Variants in RIMS1 observed in about 807,000 individuals in gnomAD.
RIMS1 encodes the protein regulating synaptic membrane exocytosis 1.
A neutral mutation model predicts 214.1 loss-of-function variants in RIMS1; 83 were observed. That is an observed-to-expected ratio of 0.39 (90% CI 0.32 to 0.47). The LOEUF (loss-of-function observed/expected upper bound fraction) is 0.47, where lower values mean the gene tolerates loss of function less well. Ranked by LOEUF, RIMS1 falls within the 20% of genes least tolerant of loss-of-function variation. RIMS1 has a pLI of 0.99. For missense variants in RIMS1, 2,050 were observed against 2,161.8 expected (o/e 0.95, Z 1.03); for synonymous variants, 793 against 786.8 (o/e 1.01, Z -0.13).
At chr6:71,992,874 T>A (rs962780766) in intron 2 of RIMS1, among the ~76,000 whole-genome samples, 2 of 152,104 alleles carry the variant, frequency 1.3e-5, no homozygotes, top group Non-Finnish European at 1.5e-5. Flanking sequence ...TTTCCTAGAT[T>A]TATCTGGAAC....
chr6:72,367,896 A>G (rs1163301365), intron 29 of RIMS1, among the ~76,000 whole-genome samples: 1 of 152,166 alleles, frequency 6.6e-6, no homozygotes, highest in Non-Finnish European at 1.5e-5. Flanking sequence ...TTTTATTTAT[A>G]TATTTTTTTA....
rs78035219 is a variant in RIMS1, at chr6:72,184,026, C to T, written c.1678+877C>T. Among the ~76,000 whole-genome samples, 75 of 152,244 alleles carry T rather than the reference C, an allele frequency of 4.9e-4. 1 individual carries two copies. In the East Asian group the frequency reaches 0.011, roughly 22 times the overall value. ...GCATACTGTATTACTGTAATAATTT[C>T]CTTAGCCTCTTCCAGTGATTTTAGT... On this transcript the variant is annotated intron_variant, in intron 6 of 33. Coordinates refer to ENST00000521978, the MANE Select transcript of RIMS1 (RefSeq NM_014989.7).
intron 6 of RIMS1, among the ~76,000 whole-genome samples, chr6:72,203,922 AT>A (rs200087558): frequency 6.0e-4 from 91 of 151,792 alleles, no homozygotes; most frequent in African/African-American, 2.1e-3. Flanking sequence ...TCCCATGAGA[AT>A]TTTTTTTTGG....
At chr6:72,037,048 A>G (rs1819820841) in intron 2 of RIMS1, among the ~76,000 whole-genome samples, 1 of 152,148 alleles carries the variant, frequency 6.6e-6, no homozygotes, top group African/African-American at 2.4e-5. Flanking sequence ...TATCAGGCCC[A>G]GAACCCTTTG....
At chr6:72,082,370 C>T (rs747442611) in intron 2 of RIMS1, among the ~76,000 whole-genome samples, 13 of 152,144 alleles carry the variant, frequency 8.5e-5, no homozygotes, top group Non-Finnish European at 1.5e-4. Context: ...TCCCTAAGTG[C>T]TTTGCATATA....
intron 2 of RIMS1, among the ~76,000 whole-genome samples, chr6:72,041,035 T>C (rs1821295163): frequency 6.6e-6 from 1 of 151,986 alleles, no homozygotes; most frequent in Non-Finnish European, 1.5e-5. Flanking sequence ...TATTTGTTTT[T>C]AGAGTATAAT....
chr6:72,399,280 G>A (rs576091165), intron 33 of RIMS1, among the ~76,000 whole-genome samples, 186 bp downstream of exon 33: 1 of 151,670 alleles, frequency 6.6e-6, no homozygotes, highest in East Asian at 1.9e-4. Flanking sequence ...ATATTTGGTG[G>A]GTCTAATAGA....
intron 2 of RIMS1, among the ~76,000 whole-genome samples, chr6:71,977,913 G>A (rs1797559604): frequency 6.6e-6 from 1 of 152,126 alleles, no homozygotes; most frequent in Admixed American, 6.6e-5. Flanking sequence ...TTAAAGAAGG[G>A]GGAATCATGA....
At chr6:71,977,830 G>T (rs576669573) in intron 2 of RIMS1, among the ~76,000 whole-genome samples, 1 of 152,270 alleles carries the variant, frequency 6.6e-6, no homozygotes, top group South Asian at 2.1e-4. Flanking sequence ...AGACAAGCAA[G>T]GGTTCCATCC....
intron 4 of RIMS1, among the ~76,000 whole-genome samples, chr6:72,112,008 T>TA (rs2036185447): frequency 6.6e-6 from 1 of 152,184 alleles, no homozygotes; most frequent in South Asian, 2.1e-4. Context: ...AGCAGATGTT[T>TA]AATAAGCATC....
At chr6:72,311,430 T>A (rs2095504863) in intron 27 of RIMS1, among the ~76,000 whole-genome samples, 1 of 152,224 alleles carries the variant, frequency 6.6e-6, no homozygotes, top group Admixed American at 6.5e-5. Context: ...TAACTGAATT[T>A]GCTGGTAAAC....
chr6:72,187,115 G>A (rs1431181583), intron 6 of RIMS1, among the ~76,000 whole-genome samples: 2 of 151,960 alleles, frequency 1.3e-5, no homozygotes, highest in African/African-American at 4.8e-5. Flanking sequence ...GATAGAGCGA[G>A]ACCCCGTCAA....
At chr6:72,234,328 G>A (rs1474985030) in intron 7 of RIMS1, among the ~76,000 whole-genome samples, 2 of 151,930 alleles carry the variant, frequency 1.3e-5, no homozygotes, top group African/African-American at 2.4e-5. Flanking sequence ...TGAAGAAATT[G>A]CATCATGCTG....
intron 4 of RIMS1, among the ~76,000 whole-genome samples, chr6:72,153,708 A>C (rs758652730): frequency 2.6e-5 from 4 of 152,196 alleles, no homozygotes; most frequent in Non-Finnish European, 5.9e-5. Context: ...GGAACTTTAG[A>C]AAACATTCAG....
At chr6:72,328,645 A>G (rs2096562778) in intron 28 of RIMS1, among the ~76,000 whole-genome samples, 1 of 151,800 alleles carries the variant, frequency 6.6e-6, no homozygotes, top group African/African-American at 2.4e-5. Flanking sequence ...CCAATTAAAA[A>G]TATTTTTTTT....
At chr6:71,943,357 A>T (rs957132672) in intron 1 of RIMS1, among the ~76,000 whole-genome samples, 3 of 152,136 alleles carry the variant, frequency 2.0e-5, no homozygotes, top group Non-Finnish European at 2.9e-5. Context: ...TCTAGGAGGG[A>T]TGACTTTATA....
chr6:72,043,381 A>G (rs1822011171), intron 2 of RIMS1, among the ~76,000 whole-genome samples: 2 of 151,864 alleles, frequency 1.3e-5, no homozygotes, highest in South Asian at 4.1e-4. Context: ...AGAAAATCAA[A>G]CAATTATTCT....
At chr6:72,011,488 T>C (rs1041842336) in intron 2 of RIMS1, among the ~76,000 whole-genome samples, 1 of 152,126 alleles carries the variant, frequency 6.6e-6, no homozygotes, top group Non-Finnish European at 1.5e-5. Flanking sequence ...TGGGATCTAA[T>C]CAAACTAAAG....
At chr6:72,350,935 C>T (rs1435638145) in intron 29 of RIMS1, among the ~76,000 whole-genome samples, 1 of 152,054 alleles carries the variant, frequency 6.6e-6, no homozygotes. Context: ...AAGAAAGTGA[C>T]TTTTAAAGTA....
Sources: gnomAD v4.1 joint callset for allele counts (sites outside exome capture counted in the v4.1 genomes callset) on GRCh38, gnomAD v4.1.1 for gene constraint, MANE v1.5 for transcripts, NCBI Gene and HGNC (gene_info 2026-07-23, HGNC 2026-07-21) for gene names.